The following MRPL19 variants were observed in gnomAD, a reference collection of about 807,000 sequenced individuals.
MRPL19 encodes the protein large ribosomal subunit protein bL19m.
MRPL19 carries 31 observed loss-of-function variants against 34.0 expected under a neutral mutation model. The ratio of observed to expected loss-of-function variants is 0.91; its 90% CI spans 0.68 to 1.23. The LOEUF (loss-of-function observed/expected upper bound fraction) is 1.23. MRPL19 is among the 50% of genes most tolerant of loss of function. The pLI, the probability that MRPL19 is intolerant of heterozygous loss-of-function variation, is 0.00. For missense variants in MRPL19, 384 were observed against 367.6 expected (o/e 1.04, Z -0.37); for synonymous variants, 152 against 127.7 (o/e 1.19, Z -1.28).
intron 5 of MRPL19, 26 bp from the exon 6 acceptor site, chr2:75,655,030 CTTTTTTTT>C (rs35367062): frequency 1.4e-5 from 16 of 1,156,368 alleles, no homozygotes; most frequent in Middle Eastern, 3.0e-4. Flanking sequence ...CTAATTATTG[CTTTTTTTT>C]TTTTTTTTTT....
chr2:75,647,005 G>A, intron 1 of MRPL19, 95 bp downstream of exon 1: 1 of 1,478,498 alleles, frequency 6.8e-7, no homozygotes, highest in Non-Finnish European at 9.1e-7. Flanking sequence ...CCCCAGCGTT[G>A]GTCCCCCGTG....
intron 2 of MRPL19, chr2:75,651,540 A>G (rs981078062): frequency 6.5e-6 from 3 of 463,812 alleles, no homozygotes; most frequent in African/African-American, 4.0e-5. Context: ...GAACCTTCAT[A>G]TTCAAACTGG....
In MRPL19 at chr2:75,654,912, A is replaced by C; in HGVS notation, c.652A>C (p.Asn218His). The C allele has an allele frequency of 1.9e-6, 3 of 1,612,456 alleles. No homozygotes were observed. The highest frequency in any genetic ancestry group is 2.5e-6 in the Non-Finnish European group (3 of 1,178,896). ...VQEPNQKVPV[N>H]ELKVKMKPKP... ...AGAGCCTAACCAAAAAGTTCCTGTT[A>C]ATGAGGTATGGGTTATACATTTGAA... Residue 218 changes from asparagine to histidine, a missense_variant, in exon 5 of 6, where the codon AAT (asparagine) becomes CAT (histidine). Asn to His is a moderately conservative substitution (Grantham distance 68, BLOSUM62 1). Coordinates refer to ENST00000393909, the MANE Select transcript of MRPL19 (RefSeq NM_014763.4).
chr2:75,659,728 A>G lies in MRPL19; in HGVS notation c.*4443A>G, dbSNP rs1364318480. ...TTCTGACTTCATGGTTTCTCATGAG[A>G]TATTAGATGTTATAAAATTTGAGGA... On this transcript the variant is annotated 3_prime_UTR_variant, in exon 6 of 6. Coordinates refer to ENST00000393909, the MANE Select transcript of MRPL19 (RefSeq NM_014763.4). Among the ~76,000 whole-genome samples, 1 of 152,122 alleles carries G rather than the reference A, an allele frequency of 6.6e-6. No homozygotes were observed. Among genetic ancestry groups the G allele is most frequent in the Admixed American group, 6.6e-5 (1 of 15,260 alleles).
intron 4 of MRPL19, among the ~76,000 whole-genome samples, chr2:75,653,976 C>G (rs1184734121): frequency 6.6e-6 from 1 of 152,146 alleles, no homozygotes; most frequent in Non-Finnish European, 1.5e-5. Context: ...ATGTCACCAT[C>G]ATCTGCTTGC....
In MRPL19 at chr2:75,647,229, T is replaced by A. The variant is rs564694099; in HGVS notation, c.221+10T>A. 20 of 1,572,088 alleles carry A rather than the reference T, an allele frequency of 1.3e-5. No homozygotes were observed. In the African/African-American group the frequency reaches 2.6e-4, roughly 20 times the overall value. ...TGGAACCGGAACGCAGGTGAGGCACTGCCCTGGCGCTAGGCCGGCAACTGG... is the reference window on the plus strand; with the variant it reads ...TGGAACCGGAACGCAGGTGAGGCACAGCCCTGGCGCTAGGCCGGCAACTGG... On this transcript the variant is annotated intron_variant, in intron 2 of 5. Coordinates refer to ENST00000393909, the MANE Select transcript of MRPL19 (RefSeq NM_014763.4).
At chr2:75,648,244 G>A (rs543964484) in intron 2 of MRPL19, among the ~76,000 whole-genome samples, 12 of 152,236 alleles carry the variant, frequency 7.9e-5, no homozygotes, top group Non-Finnish European at 1.2e-4. Flanking sequence ...ATGCTCTAGA[G>A]AACAATTTGA....
At position 75,662,133 on chromosome 2, in the gene MRPL19, T is replaced by C. The variant is rs1352975324; in HGVS notation, c.*6848T>C. 6.6e-6 allele frequency: 1 copy of C among 152,238 alleles called. No individual in the cohort carries two copies. Among genetic ancestry groups the C allele is most frequent in the Non-Finnish European group, 1.5e-5 (1 of 68,044 alleles). 9.4% of individuals were successfully genotyped at this position (152,238 alleles called of 1,614,324 possible). A position where few individuals can be genotyped will look rare whatever the true frequency, so the allele number is the denominator to read the frequency against. On this transcript the variant is annotated 3_prime_UTR_variant, in exon 6 of 6. Transcript: ENST00000393909. ...TGGATTTTCTCCTTTATTCTGTTCG[T>C]GAGTGATTACACTGGTTGACTAATG...
Position 75,652,582 on chromosome 2 carries a change from C to G in MRPL19, c.400C>G (p.Leu134Val). 1 of 1,613,836 alleles carries G rather than the reference C, an allele frequency of 6.2e-7. No individual in the cohort carries two copies. The highest frequency in any genetic ancestry group is 8.5e-7 in the Non-Finnish European group (1 of 1,179,802). Residue 134 changes from leucine to valine, a missense_variant, in exon 4 of 6, where the codon CTG becomes GTG. Physicochemically the swap from Leu to Val is conservative, Grantham distance 32. Transcript: ENST00000393909. ...PYASGKISQF[L>V]GICIQRSGRG... Reference sequence around the variant, plus strand: ...TGCCAGTGGAAAAATCAGCCAGTTTCTGGGGATTTGCATTCAGAGATCAGG... The same window carrying G: ...TGCCAGTGGAAAAATCAGCCAGTTTGTGGGGATTTGCATTCAGAGATCAGG...
intron 3 of MRPL19, 110 bp from the exon 4 acceptor site, chr2:75,652,413 G>A: frequency 1.4e-6 from 2 of 1,388,214 alleles, no homozygotes; most frequent in Non-Finnish European, 2.0e-6. Context: ...AAACATTTAG[G>A]AAGTTAAGTT....
rs1197972024 is a variant in MRPL19 at position 75,660,911 on chromosome 2, A to C, written c.*5626A>C. ...AGAAACTCCTTTGCAGCTTTTTCTC[A>C]CAGAACATAGATGGTTTTTTGGATA... is the stretch of plus-strand genomic sequence containing the variant. On this transcript the variant is annotated 3_prime_UTR_variant, in exon 6 of 6. Coordinates refer to ENST00000393909, the MANE Select transcript of MRPL19 (RefSeq NM_014763.4). The C allele has an allele frequency of 6.6e-6, 1 of 152,212 alleles. No homozygotes were observed. Among genetic ancestry groups the C allele is most frequent in the Non-Finnish European group, 1.5e-5 (1 of 68,040 alleles). 9.4% of individuals were successfully genotyped at this position (152,212 alleles called of 1,614,324 possible).
Position 75,657,723 on chromosome 2 carries a change from G to C in MRPL19, c.*2438G>C, listed in dbSNP as rs1311438229. ...AGCTCTGCAAATGTATGATCAGCTTGTAAGTACAGGTGCTCAAAAACATGT... is the reference window on the plus strand; with the variant it reads ...AGCTCTGCAAATGTATGATCAGCTTCTAAGTACAGGTGCTCAAAAACATGT... On this transcript the variant is annotated 3_prime_UTR_variant, in exon 6 of 6. Transcript: ENST00000393909. The C allele has an allele frequency of 1.3e-5, 2 of 152,078 alleles. No homozygotes were observed. The highest frequency in any genetic ancestry group is 4.8e-5 in the African/African-American group (2 of 41,418). The allele number at this position is 152,078 out of a possible 1,614,324, so 9.4% of individuals were successfully genotyped here.
rs181860642 is a variant in MRPL19 at position 75,651,699 on chromosome 2, A to T, written c.222-443A>T. ...GATTTATATGTTGATGTCTTTTCTGACATAATTTATTATAGCATGTATAGC... is the reference window on the plus strand; with the variant it reads ...GATTTATATGTTGATGTCTTTTCTGTCATAATTTATTATAGCATGTATAGC... On this transcript the variant is annotated intron_variant, in intron 2 of 5. Coordinates refer to ENST00000393909, the MANE Select transcript of MRPL19 (RefSeq NM_014763.4). 2.2e-4 allele frequency: 69 copies of T among 315,962 alleles called. No individual in the cohort carries two copies. The Admixed American group carries it at 2.7e-3, about 12-fold the overall frequency. The allele number at this position is 315,962 out of a possible 1,614,324, so 19.6% of individuals were successfully genotyped here.
At position 75,652,506 on chromosome 2, in the gene MRPL19, C is replaced by G. The variant is rs748241027; in HGVS notation, c.341-17C>G. ...GGTGTGCTGAAAAAAAAGTTCACTT[C>G]TCTTTTGAATTTGTAGGAAGTATTC... On this transcript the variant is annotated splice_polypyrimidine_tract_variant and intron_variant, in intron 3 of 5. Coordinates refer to ENST00000393909, the MANE Select transcript of MRPL19 (RefSeq NM_014763.4). 33 of 1,605,064 alleles carry G rather than the reference C, an allele frequency of 2.1e-5. No individual in the cohort carries two copies. In the East Asian group the frequency reaches 5.8e-4, roughly 28 times the overall value.
chr2:75,648,076 A>G (rs1302156849), intron 2 of MRPL19, among the ~76,000 whole-genome samples: 1 of 152,054 alleles, frequency 6.6e-6, no homozygotes, highest in Non-Finnish European at 1.5e-5. Flanking sequence ...AACATTTAAA[A>G]TATTCCACGG....
At chr2:75,651,901 T>C (rs1192128987) in intron 2 of MRPL19, 1 of 285,114 alleles carries the variant, frequency 3.5e-6, no homozygotes, top group South Asian at 6.4e-5. Context: ...ACATGGTTGC[T>C]AGAAGGATTA....
Position 75,661,893 on chromosome 2 carries a change from T to TG in MRPL19, c.*6609dup, listed in dbSNP as rs1318842601. On this transcript the variant is annotated 3_prime_UTR_variant, in exon 6 of 6. Coordinates refer to ENST00000393909, the MANE Select transcript of MRPL19 (RefSeq NM_014763.4). ...ATGACTATGTCTTCTAGAACAATGTTGAACAGAAATGGTGAGAGCAGACAT... is the reference window on the plus strand; with the variant it reads ...ATGACTATGTCTTCTAGAACAATGTTGGAACAGAAATGGTGAGAGCAGACAT... The TG allele has an allele frequency of 2.0e-5, 3 of 152,200 alleles. No homozygotes were observed. The highest frequency in any genetic ancestry group is 4.4e-5 in the Non-Finnish European group (3 of 68,028). The allele number at this position is 152,200 out of a possible 1,614,324, so 9.4% of individuals were successfully genotyped here. A position where few individuals can be genotyped will look rare whatever the true frequency, so the allele number is the denominator to read the frequency against.
intron 2 of MRPL19, among the ~76,000 whole-genome samples, chr2:75,649,472 A>G (rs1311911045): frequency 6.6e-6 from 1 of 152,052 alleles, no homozygotes; most frequent in African/African-American, 2.4e-5. Context: ...GGCTCAAGAT[A>G]ATTCCTCCAG....
rs541231931 is a variant in MRPL19 at position 75,657,229 on chromosome 2, C to T, written c.*1944C>T. 6.6e-6 allele frequency: 1 copy of T among 152,074 alleles called. No individual in the cohort carries two copies. The highest frequency in any genetic ancestry group is 6.5e-5 in the Admixed American group (1 of 15,268). 9.4% of individuals were successfully genotyped at this position (152,074 alleles called of 1,614,324 possible). A position where few individuals can be genotyped will look rare whatever the true frequency, so the allele number is the denominator to read the frequency against. ...TATGGTTGAAAGAGGGACTAAAAAG[C>T]TTGGAAAGCCTTTGGGTTGTGGGAA... is the stretch of plus-strand genomic sequence containing the variant. On this transcript the variant is annotated 3_prime_UTR_variant, in exon 6 of 6. Coordinates refer to ENST00000393909, the MANE Select transcript of MRPL19 (RefSeq NM_014763.4).
Sources: gnomAD v4.1 joint callset for allele counts (sites outside exome capture counted in the v4.1 genomes callset) on GRCh38, gnomAD v4.1.1 for gene constraint, MANE v1.5 for transcripts, NCBI Gene and HGNC (gene_info 2026-07-23, HGNC 2026-07-21) for gene names.